PDK1: variants seen among roughly 807,000 people sequenced by gnomAD.
PDK1 encodes [Pyruvate dehydrogenase (acetyl-transferring)] kinase isozyme 1, mitochondrial.
In PDK1, 39 loss-of-function variants were observed where a neutral mutation model predicts 54.2. That is an observed-to-expected ratio of 0.72 (90% confidence interval 0.56 to 0.94). PDK1 has a LOEUF of 0.94. Ranked by LOEUF, PDK1 falls within the 40% of genes least tolerant of loss-of-function variation. The pLI, the probability that PDK1 is intolerant of heterozygous loss-of-function variation, is 0.00. For synonymous variants in PDK1, 221 were observed against 207.1 expected (o/e 1.07, Z -0.58); for missense variants, 552 against 566.0 (o/e 0.98, Z 0.25).
chr2:172,569,220 A>C (rs1689121065), intron 7 of PDK1, among the ~76,000 whole-genome samples: 1 of 152,220 alleles, frequency 6.6e-6, no homozygotes. Flanking sequence ...AGTTATCTTT[A>C]TGTTTTTATA....
At chr2:172,584,237 G>A (rs1171522876) in intron 8 of PDK1, among the ~76,000 whole-genome samples, 1 of 152,004 alleles carries the variant, frequency 6.6e-6, no homozygotes, top group Non-Finnish European at 1.5e-5. Flanking sequence ...AAGTAATTGT[G>A]AAGAAAATTC....
the PDK1 span, among the ~76,000 whole-genome samples, chr2:172,700,342 G>A: frequency 1.2e-3 from 134 of 110,824 alleles, no homozygotes; most frequent in Middle Eastern, 5.5e-3. Flanking sequence ...CCGGGCAGAG[G>A]CGCCCCCCAC....
the PDK1 span, among the ~76,000 whole-genome samples, chr2:172,669,910 A>T: frequency 6.6e-6 from 1 of 152,136 alleles, no homozygotes; most frequent in African/African-American, 2.4e-5. Flanking sequence ...TTAACACCTT[A>T]TCTGATGTAT....
the PDK1 span, among the ~76,000 whole-genome samples, chr2:172,677,744 T>C: frequency 1.3e-5 from 2 of 152,262 alleles, no homozygotes; most frequent in African/African-American, 2.4e-5. Flanking sequence ...AACAAAAGTT[T>C]ATACAAGAAT....
chr2:172,617,384 A>G, the PDK1 span, among the ~76,000 whole-genome samples: 6 of 152,132 alleles, frequency 3.9e-5, no homozygotes, highest in Admixed American at 3.3e-4. Flanking sequence ...CCTCTAGTCT[A>G]TTTTGTGCTG....
chr2:172,620,689 TAGTG>T, the PDK1 span, among the ~76,000 whole-genome samples: 3 of 152,134 alleles, frequency 2.0e-5, no homozygotes, highest in Admixed American at 6.5e-5. Context: ...GTCTTCATGA[TAGTG>T]AGTTCTCGCA....
At chr2:172,688,445 T>G in the PDK1 span, among the ~76,000 whole-genome samples, 1 of 152,304 alleles carries the variant, frequency 6.6e-6, no homozygotes, top group East Asian at 1.9e-4. Context: ...CTCATGACTG[T>G]GTTCTCCTTG....
the PDK1 span, among the ~76,000 whole-genome samples, chr2:172,656,745 G>A: frequency 2.0e-5 from 3 of 152,058 alleles, no homozygotes; most frequent in Non-Finnish European, 4.4e-5. Flanking sequence ...GCAAAATCCT[G>A]TCTTTACCAA....
At chr2:172,586,095 G>C (rs1328239921) in intron 8 of PDK1, among the ~76,000 whole-genome samples, 183 bp from the exon 9 acceptor site, 2 of 150,552 alleles carry the variant, frequency 1.3e-5, no homozygotes, top group African/African-American at 4.9e-5. Flanking sequence ...GGAAGCAGAG[G>C]TTGCAGTGAG....
At chr2:172,678,144 T>A in the PDK1 span, among the ~76,000 whole-genome samples, 4 of 152,024 alleles carry the variant, frequency 2.6e-5, no homozygotes, top group Non-Finnish European at 5.9e-5. Flanking sequence ...CACTCCAGCC[T>A]GGGTGACAGA....
chr2:172,671,478 C>G, the PDK1 span, among the ~76,000 whole-genome samples: 1 of 148,040 alleles, frequency 6.8e-6, no homozygotes, highest in Non-Finnish European at 1.5e-5. Flanking sequence ...TTTTTAAGCT[C>G]TTAATATATT....
the PDK1 span, among the ~76,000 whole-genome samples, chr2:172,710,010 G>C: frequency 6.6e-6 from 1 of 152,162 alleles, no homozygotes; most frequent in Non-Finnish European, 1.5e-5. Flanking sequence ...ACATAATGAA[G>C]TTATAGAGGA....
the PDK1 span, among the ~76,000 whole-genome samples, chr2:172,712,567 G>A: frequency 1.3e-5 from 2 of 152,210 alleles, no homozygotes; most frequent in African/African-American, 4.8e-5. Context: ...ATGAGTGCTG[G>A]CTTCCTGCTA....
chr2:172,660,253 T>C, the PDK1 span, among the ~76,000 whole-genome samples: 4 of 119,144 alleles, frequency 3.4e-5, no homozygotes, highest in Non-Finnish European at 7.2e-5. Flanking sequence ...CTCTCTTTTT[T>C]TTTTTTTTTT....
At chr2:172,583,823 ATAT>A (rs1250465901) in intron 8 of PDK1, among the ~76,000 whole-genome samples, 1 of 152,130 alleles carries the variant, frequency 6.6e-6, no homozygotes, top group Non-Finnish European at 1.5e-5. Context: ...CTTTTAATAC[ATAT>A]TATTCAGTAC....
the PDK1 span, among the ~76,000 whole-genome samples, chr2:172,671,090 G>A: frequency 1.3e-5 from 2 of 149,126 alleles, no homozygotes; most frequent in East Asian, 2.0e-4. Flanking sequence ...TGTTTTGGGT[G>A]TCTTTTTTTT....
chr2:172,662,510 G>GTGTGTA, the PDK1 span, among the ~76,000 whole-genome samples: 1 of 151,710 alleles, frequency 6.6e-6, no homozygotes, highest in South Asian at 2.1e-4. Flanking sequence ...GTGTGTGTGT[G>GTGTGTA]TGTGTGTGTA....
the PDK1 span, among the ~76,000 whole-genome samples, chr2:172,719,490 A>C: frequency 6.6e-6 from 1 of 152,058 alleles, no homozygotes; most frequent in African/African-American, 2.4e-5. Context: ...TGGTCTTTTT[A>C]AGTTTAAACA....
chr2:172,586,175 A>G (rs1234948709), intron 8 of PDK1, 103 bp from the exon 9 acceptor site: 4 of 570,344 alleles, frequency 7.0e-6, no homozygotes, highest in South Asian at 4.2e-5. Flanking sequence ...AAAAAAAAAA[A>G]GCGCTCTCCC....
Sources: allele counts gnomAD v4.1 joint callset (sites outside exome capture counted in the v4.1 genomes callset), GRCh38; gene constraint gnomAD v4.1.1; transcripts MANE v1.5; gene names NCBI Gene and HGNC (gene_info 2026-07-23, HGNC 2026-07-21).